Variants in SGSM2 observed in about 807,000 individuals in gnomAD.
SGSM2 encodes the protein RUN and TBC1 domain containing 1.
In SGSM2, 89 loss-of-function variants were observed where a neutral mutation model predicts 126.6. That is an observed-to-expected ratio of 0.70 (90% CI 0.59 to 0.84). SGSM2 has a LOEUF of 0.84. Ranked by LOEUF, SGSM2 falls within the 40% of genes least tolerant of loss-of-function variation. The probability of loss-of-function intolerance (pLI) is 0.00; values close to 1 mark genes in which losing one functional copy is unlikely to be tolerated. For synonymous variants in SGSM2, 614 were observed against 574.3 expected (o/e 1.07, Z -0.99); for missense variants, 1,404 against 1,416.6 (o/e 0.99, Z 0.14).
At position 2,371,289 on chromosome 17, in the gene SGSM2, G is replaced by T. The variant is rs2065859042; in HGVS notation, c.1451G>T (p.Gly484Val). 7.4e-6 allele frequency: 12 copies of T among 1,612,214 alleles called. No homozygotes were observed. The highest frequency in any genetic ancestry group is 1.0e-5 in the Non-Finnish European group (12 of 1,179,858). ...GCTGGTGACATGATCGAGATGCAGG[G>T]CTTTGGGCCCAGCCTGCCAGCCTGG... The part of the protein sequence containing the change: ...KDAGDMIEMQ[G>V]FGPSLPAWHL... Residue 484 changes from glycine (G) to valine (V), a missense_variant, in exon 13 of 24, where the codon GGC becomes GTC. Transcript: ENST00000268989.
Position 2,363,862 on chromosome 17 carries a change from GGA to G in SGSM2, c.808-191_808-190del, listed in dbSNP as rs903220286. 1.1e-5 allele frequency: 9 copies of G among 785,282 alleles called. No individual in the cohort carries two copies. Among genetic ancestry groups the G allele is most frequent in the South Asian group, 3.6e-5 (2 of 56,072 alleles). The allele number at this position is 785,282 out of a possible 1,614,324, so 48.6% of individuals were successfully genotyped here. ...GGACCTGGCATCCAGGAGGCTGGCA[GGA>G]GAGAGTCAGTGGCACCAGGCTGACC... On this transcript the variant is annotated intron_variant, in intron 7 of 23. Coordinates refer to ENST00000268989, the MANE Select transcript of SGSM2 (RefSeq NM_014853.3). This position sits in a 1 kb window ranked among gnomAD's most constrained non-coding sequence, Gnocchi z 4.2.
chr17:2,363,042 A>G lies in SGSM2; in HGVS notation c.580A>G (p.Thr194Ala). 1.2e-6 allele frequency: 2 copies of G among 1,613,942 alleles called. No homozygotes were observed. The highest frequency in any genetic ancestry group is 1.7e-6 in the Non-Finnish European group (2 of 1,180,028). ...TKLKTADHYW[T>A]DPSADELVQR... ...GCTCAAGACAGCCGATCACTACTGGACTGACCCCTCTGCTGATGAGCTGGT... is the reference window on the plus strand; with the variant it reads ...GCTCAAGACAGCCGATCACTACTGGGCTGACCCCTCTGCTGATGAGCTGGT... Residue 194 changes from threonine to alanine, a missense_variant, in exon 6 of 24, where the codon ACT becomes GCT. Thr to Ala is a moderately conservative substitution (Grantham distance 58). Transcript: ENST00000268989. The surrounding 1 kb of genome is among the most constrained non-coding windows in gnomAD (Gnocchi z 4.2).
Position 2,361,694 on chromosome 17 carries a change from G to A in SGSM2, c.191G>A (p.Arg64His), listed in dbSNP as rs141118030. 21 of 1,613,822 alleles carry A rather than the reference G, an allele frequency of 1.3e-5. No homozygotes were observed. The highest frequency in any genetic ancestry group is 1.1e-4 in the African/African-American group (8 of 74,920). The change falls in exon 3 of 24, where the codon CGC (arginine) becomes CAC (histidine). Residue 64 changes from arginine to histidine, a missense_variant. Transcript: ENST00000268989. The stretch of plus-strand genomic sequence containing the variant: ...AGACGCCGTGCCGCTGGCTTCCTGC[G>A]CAGTGACAAGATGGCAGCCCTGTTC... Reference protein sequence around the residue: ...QLRRRAAGFLRSDKMAALFTK... With the variant: ...QLRRRAAGFLHSDKMAALFTK...
At chr17:2,342,186 G>A (rs575264260) in intron 1 of SGSM2, among the ~76,000 whole-genome samples, 2 of 151,714 alleles carry the variant, frequency 1.3e-5, no homozygotes, top group South Asian at 4.2e-4. Flanking sequence ...GGAGGCCAAC[G>A]CGGGTGGATC....
chr17:2,371,270 G>A lies in SGSM2; in HGVS notation c.1432G>A (p.Asp478Asn). 2 of 1,611,732 alleles carry A rather than the reference G, an allele frequency of 1.2e-6. No individual in the cohort carries two copies. The highest frequency in any genetic ancestry group is 1.1e-5 in the South Asian group (1 of 91,000). ...TAPNPMKDAG[D>N]MIEMQGFGPS... ...ACCCTTCCTGCCCGCAGACGCTGGTGACATGATCGAGATGCAGGGCTTTGG... is the reference window on the plus strand; with the variant it reads ...ACCCTTCCTGCCCGCAGACGCTGGTAACATGATCGAGATGCAGGGCTTTGG... The change falls in exon 13 of 24, where the codon GAC becomes AAC. Residue 478 changes from aspartate to asparagine, a missense_variant. Physicochemically the swap from Asp to Asn is conservative, Grantham distance 23. Coordinates refer to ENST00000268989, the MANE Select transcript of SGSM2 (RefSeq NM_014853.3).
At chr17:2,343,069 A>G (rs976286409) in intron 1 of SGSM2, among the ~76,000 whole-genome samples, 4 of 152,194 alleles carry the variant, frequency 2.6e-5, no homozygotes, top group Admixed American at 1.3e-4. Flanking sequence ...CCTAGATGGA[A>G]AGAAGGCTGG....
chr17:2,351,223 G>C (rs1389977974), intron 2 of SGSM2, among the ~76,000 whole-genome samples: 1 of 151,488 alleles, frequency 6.6e-6, no homozygotes, highest in Non-Finnish European at 1.5e-5. Flanking sequence ...ACTGCACTCC[G>C]ACCTGGGCAA....
In SGSM2 at chr17:2,373,002, A is replaced by G; in HGVS notation, c.1838A>G (p.Glu613Gly). The change falls in exon 16 of 24, where the codon GAG becomes GGG. Residue 613 changes from glutamate to glycine, a missense_variant. Coordinates refer to ENST00000268989, the MANE Select transcript of SGSM2 (RefSeq NM_014853.3). Reference sequence around the variant, plus strand: ...CGGCAAGTTTACTACGGAGGCATAGAGCACGAGATCCGCAAGGACGTCTGG... The same window carrying G: ...CGGCAAGTTTACTACGGAGGCATAGGGCACGAGATCCGCAAGGACGTCTGG... ...LLRQVYYGGI[E>G]HEIRKDVWPF... is the part of the protein sequence containing the mutation. 6.3e-7 allele frequency: 1 copy of G among 1,594,414 alleles called. No individual in the cohort carries two copies. The highest frequency in any genetic ancestry group is 8.5e-7 in the Non-Finnish European group (1 of 1,170,232).
chr17:2,365,557 C>T (rs550470448), intron 11 of SGSM2, among the ~76,000 whole-genome samples: 79 of 152,150 alleles, frequency 5.2e-4, no homozygotes, highest in Non-Finnish European at 1.0e-3. Flanking sequence ...CCCACTTCTC[C>T]ACGCCAGGAC....
At chr17:2,365,369 G>T (rs938072891) in intron 11 of SGSM2, 28 bp downstream of exon 11, 1 of 1,514,670 alleles carries the variant, frequency 6.6e-7, no homozygotes, top group Non-Finnish European at 8.9e-7. Context: ...CATCCCGGGG[G>T]AGGAGAGGAA....
Position 2,377,052 on chromosome 17 carries a change from T to G in SGSM2, c.2786T>G (p.Met929Arg), listed in dbSNP as rs935002012. Residue 929 changes from methionine to arginine, a missense_variant, in exon 21 of 24, where the codon ATG becomes AGG. Coordinates refer to ENST00000268989, the MANE Select transcript of SGSM2 (RefSeq NM_014853.3). ...GCCATGGACACCCACTTTGCCAACA[T>G]GCGCTCCCTCATCCAGGTGAGGCCG... ...GGAMDTHFAN[M>R]RSLIQILDSE... The G allele has an allele frequency of 1.2e-6, 2 of 1,612,716 alleles. No homozygotes were observed. The highest frequency in any genetic ancestry group is 2.7e-5 in the African/African-American group (2 of 74,918).
intron 19 of SGSM2, chr17:2,376,523 C>T (rs1410895909): frequency 2.4e-5 from 16 of 675,786 alleles, no homozygotes; most frequent in East Asian, 1.3e-4. Flanking sequence ...CCAAGCGTGA[C>T]GGCCTTGGCT....
chr17:2,359,079 G>A (rs1243890666), intron 2 of SGSM2, among the ~76,000 whole-genome samples: 6 of 151,900 alleles, frequency 3.9e-5, no homozygotes, highest in African/African-American at 7.3e-5. Context: ...GGATTTCACC[G>A]TGTTAGCCAG....
rs1567844430 is a variant in SGSM2 at position 2,373,537 on chromosome 17, G to A, written c.2100+24G>A. ...ATGTGAGCCAGACGGGACCTGGAGG[G>A]TTGGGGGTCTCGGGGGCCACCCGCG... On this transcript the variant is annotated intron_variant, in intron 17 of 23. Coordinates refer to ENST00000268989, the MANE Select transcript of SGSM2 (RefSeq NM_014853.3). 3 of 1,578,446 alleles carry A rather than the reference G, an allele frequency of 1.9e-6. No homozygotes were observed. In the Admixed American group the frequency reaches 5.2e-5, roughly 27 times the overall value.
rs2066334568 is a variant in SGSM2 at position 2,379,689 on chromosome 17, G to A, written c.*169G>A. 1.4e-6 allele frequency: 2 copies of A among 1,427,938 alleles called. No individual in the cohort carries two copies. Among genetic ancestry groups the A allele is most frequent in the Non-Finnish European group, 1.8e-6 (2 of 1,089,916 alleles). The allele number at this position is 1,427,938 out of a possible 1,614,324, so 88.5% of individuals were successfully genotyped here. A position where few individuals can be genotyped will look rare whatever the true frequency, so the allele number is the denominator to read the frequency against. On this transcript the variant is annotated 3_prime_UTR_variant, in exon 24 of 24. Transcript: ENST00000268989. ...CGGCAGTGCTGACCCTGCAGGGCAA[G>A]TCAGGGGCCAGGATGCCCTCGGATC... is the stretch of plus-strand genomic sequence containing the variant.
intron 2 of SGSM2, among the ~76,000 whole-genome samples, chr17:2,357,104 T>C (rs1245405404): frequency 1.3e-5 from 2 of 152,058 alleles, no homozygotes; most frequent in East Asian, 3.8e-4. Flanking sequence ...CTTGATGGCT[T>C]TGAGGTCACA....
chr17:2,367,248 C>G lies in SGSM2; in HGVS notation c.1289-23C>G. 6.2e-7 allele frequency: 1 copy of G among 1,605,728 alleles called. No individual in the cohort carries two copies. The highest frequency in any genetic ancestry group is 8.5e-7 in the Non-Finnish European group (1 of 1,176,180). ...AGGGATGAGGGCCTCATGCCTCTGC[C>G]TCTCGCTGTTCTCTTTGAGCAGTCA... On this transcript the variant is annotated intron_variant, in intron 11 of 23. Transcript: ENST00000268989. The surrounding 1 kb of genome is among the most constrained non-coding windows in gnomAD (Gnocchi z 4.0).
chr17:2,341,655 C>G (rs1312028225), intron 1 of SGSM2, among the ~76,000 whole-genome samples: 1 of 152,174 alleles, frequency 6.6e-6, no homozygotes, highest in East Asian at 1.9e-4. Flanking sequence ...ACATTCTGCA[C>G]TAGGTAATCT....
Position 2,376,993 on chromosome 17 carries a change from G to A in SGSM2, c.2727G>A (p.Met909Ile), listed in dbSNP as rs1376913845. 1 of 1,613,858 alleles carries A rather than the reference G, an allele frequency of 6.2e-7. No homozygotes were observed. Among genetic ancestry groups the A allele is most frequent in the South Asian group, 1.1e-5 (1 of 91,074 alleles). The change falls in exon 21 of 24, where the codon ATG (methionine) becomes ATA (isoleucine). Residue 909 changes from methionine to isoleucine, a missense_variant. Physicochemically the swap from Met to Ile is conservative, Grantham distance 10. Transcript: ENST00000268989. Reference sequence around the variant, plus strand: ...CCTACAGCTGCTTCAGCCACCTCATGAAGAGGATGAGCCAGAACTTCCCCA... The same window carrying A: ...CCTACAGCTGCTTCAGCCACCTCATAAAGAGGATGAGCCAGAACTTCCCCA... ...QLAYSCFSHL[M>I]KRMSQNFPNG...
Sources: allele counts gnomAD v4.1 joint callset (sites outside exome capture counted in the v4.1 genomes callset), GRCh38; gene constraint gnomAD v4.1.1; non-coding constraint Gnocchi (gnomAD v3.1); transcripts MANE v1.5; gene names NCBI Gene and HGNC (gene_info 2026-07-23, HGNC 2026-07-21).